SAE1: variants seen among roughly 807,000 people sequenced by gnomAD.
SAE1 encodes the protein SUMO-activating enzyme subunit 1.
A neutral mutation model predicts 40.6 loss-of-function variants in SAE1; 11 were observed. The observed-to-expected ratio is 0.27, with a 90% CI of 0.17 to 0.45. SAE1 has a LOEUF of 0.45. Ranked by LOEUF, SAE1 falls within the 20% of genes least tolerant of loss-of-function variation. The pLI is 1.00. For synonymous variants in SAE1, 155 were observed against 154.3 expected, an observed-to-expected ratio of 1.00 and a Z score of -0.03; for missense variants, 373 against 427.3, an observed-to-expected ratio of 0.87 and a Z score of 1.12.
At chr19:47,141,073 C>T (rs2058218814) in intron 1 of SAE1, among the ~76,000 whole-genome samples, 1 of 152,032 alleles carries the variant, frequency 6.6e-6, no homozygotes, top group Non-Finnish European at 1.5e-5. Flanking sequence ...ATGATCTCCG[C>T]TTACTGCAAC....
chr19:47,133,426 C>T (rs1394615661), intron 1 of SAE1, among the ~76,000 whole-genome samples: 1 of 152,164 alleles, frequency 6.6e-6, no homozygotes, highest in Admixed American at 6.6e-5. Context: ...GGGGTTTCAC[C>T]ATGTTAGACA....
rs2058667750 is a variant in SAE1 at position 47,203,660 on chromosome 19, C to G, written c.879-11C>G. ...CCAGTGCTCCATTTTCCTTGTCTTC[C>G]TCTCTTTTAGGTACTGCTTCTCCGA... On this transcript the variant is annotated splice_polypyrimidine_tract_variant and intron_variant, in intron 7 of 8. Coordinates refer to ENST00000270225, the MANE Select transcript of SAE1 (RefSeq NM_005500.3). 1 of 1,613,094 alleles carries G rather than the reference C, an allele frequency of 6.2e-7. No homozygotes were observed. Among genetic ancestry groups the G allele is most frequent in the Admixed American group, 1.7e-5 (1 of 59,958 alleles).
intron 5 of SAE1, among the ~76,000 whole-genome samples, chr19:47,159,606 G>A (rs2058345984): frequency 6.6e-6 from 1 of 150,404 alleles, no homozygotes; most frequent in African/African-American, 2.5e-5. Context: ...CTAGGCTGAA[G>A]TGCAGTGGTT....
chr19:47,134,234 G>A (rs1364915631), intron 1 of SAE1, among the ~76,000 whole-genome samples: 4 of 152,212 alleles, frequency 2.6e-5, no homozygotes, highest in African/African-American at 9.6e-5. Context: ...TTGGGTGATG[G>A]TGGGTATTGT....
chr19:47,182,349 A>T (rs965536084), intron 6 of SAE1, among the ~76,000 whole-genome samples: 5 of 152,120 alleles, frequency 3.3e-5, no homozygotes, highest in Admixed American at 6.6e-5. Context: ...TGAGAAAGAG[A>T]CAGCCACAGG....
At chr19:47,147,761 AT>A (rs1261804439) in intron 2 of SAE1, among the ~76,000 whole-genome samples, 367 of 113,484 alleles carry the variant, frequency 3.2e-3, no homozygotes, top group East Asian at 0.014. Flanking sequence ...CCTCAACTGT[AT>A]TTTTTTTTTT....
chr19:47,199,201 A>G (rs1037138454), intron 7 of SAE1, among the ~76,000 whole-genome samples: 1 of 152,046 alleles, frequency 6.6e-6, no homozygotes, highest in Non-Finnish European at 1.5e-5. Context: ...CGTGGCTAAC[A>G]TGGTGAAACC....
At chr19:47,154,735 A>G (rs907337464) in intron 4 of SAE1, among the ~76,000 whole-genome samples, 1 of 152,018 alleles carries the variant, frequency 6.6e-6, no homozygotes, top group African/African-American at 2.4e-5. Context: ...ACCTCAGGTG[A>G]CACGCCCGCC....
At chr19:47,159,354 C>T (rs1383068035) in intron 5 of SAE1, among the ~76,000 whole-genome samples, 1 of 151,948 alleles carries the variant, frequency 6.6e-6, no homozygotes, top group Admixed American at 6.6e-5. Context: ...CCTTGGTTTC[C>T]ACTGCTGGTG....
At chr19:47,152,524 G>A (rs534722967) in intron 3 of SAE1, among the ~76,000 whole-genome samples, 6 of 152,268 alleles carry the variant, frequency 3.9e-5, no homozygotes, top group Admixed American at 1.3e-4. Context: ...GCTTGTCCCT[G>A]TAGCTTATTT....
chr19:47,180,430 A>G (rs1028718161), intron 6 of SAE1: 5 of 363,708 alleles, frequency 1.4e-5, no homozygotes, highest in African/African-American at 6.4e-5. Flanking sequence ...AACAAAGTCT[A>G]TCTTTGACTA....
chr19:47,136,811 C>A (rs1335202888), intron 1 of SAE1, among the ~76,000 whole-genome samples: 1 of 152,170 alleles, frequency 6.6e-6, no homozygotes, highest in Non-Finnish European at 1.5e-5. Context: ...CTTATAGCAG[C>A]TCTCTGGAGT....
At chr19:47,132,494 G>A (rs2058151837) in intron 1 of SAE1, among the ~76,000 whole-genome samples, 1 of 149,326 alleles carries the variant, frequency 6.7e-6, no homozygotes, top group African/African-American at 2.5e-5. Flanking sequence ...CCAAGCTCAA[G>A]CGATCCTCGG....
chr19:47,150,301 C>T lies in SAE1; in HGVS notation c.310C>T (p.Pro104Ser), dbSNP rs1568589336. 1 of 1,613,710 alleles carries T rather than the reference C, an allele frequency of 6.2e-7. No individual in the cohort carries two copies. Reference protein sequence around the residue: ...ASLERAQNLNPMVDVKVDTED... With the variant: ...ASLERAQNLNSMVDVKVDTED... Reference sequence around the variant, plus strand: ...TTTGGAGCGAGCTCAGAATCTCAACCCCATGGTGGATGTGAAGGTGGACAC... The same window carrying T: ...TTTGGAGCGAGCTCAGAATCTCAACTCCATGGTGGATGTGAAGGTGGACAC... The change falls in exon 3 of 9, where the codon CCC (proline) becomes TCC (serine). Residue 104 changes from proline to serine, a missense_variant. Pro to Ser is a moderately conservative substitution (Grantham distance 74). Transcript: ENST00000270225.
intron 5 of SAE1, among the ~76,000 whole-genome samples, chr19:47,161,217 C>T (rs1379640575): frequency 6.9e-6 from 1 of 144,732 alleles, no homozygotes; most frequent in African/African-American, 2.6e-5. Context: ...TGCTGTGTTG[C>T]CCAGGCTGAT....
At chr19:47,193,931 A>C (rs1600209101) in intron 6 of SAE1, among the ~76,000 whole-genome samples, 1 of 152,188 alleles carries the variant, frequency 6.6e-6, no homozygotes, top group African/African-American at 2.4e-5. Context: ...AGAGAAATAC[A>C]GGCCAGGGGC....
At chr19:47,172,394 G>T (rs927494235) in intron 6 of SAE1, among the ~76,000 whole-genome samples, 3 of 152,160 alleles carry the variant, frequency 2.0e-5, no homozygotes, top group African/African-American at 7.2e-5. Flanking sequence ...TGGGAACAGT[G>T]CCTGGGCCCT....
At chr19:47,205,913 G>A (rs1026941943) in intron 8 of SAE1, among the ~76,000 whole-genome samples, 3 of 152,162 alleles carry the variant, frequency 2.0e-5, no homozygotes, top group African/African-American at 4.8e-5. Flanking sequence ...TCTTCACCAC[G>A]GGGCAGTCAT....
At chr19:47,183,723 A>G (rs958813699) in intron 6 of SAE1, among the ~76,000 whole-genome samples, 3 of 152,180 alleles carry the variant, frequency 2.0e-5, no homozygotes, top group Admixed American at 6.5e-5. Context: ...AAAGCCTCAC[A>G]TCTTTTCTCT....
Sources: allele counts gnomAD v4.1 joint callset (sites outside exome capture counted in the v4.1 genomes callset), GRCh38; gene constraint gnomAD v4.1.1; transcripts MANE v1.5; gene names NCBI Gene and HGNC (gene_info 2026-07-23, HGNC 2026-07-21).